Variants in PRLR observed in about 807,000 individuals in gnomAD.
The protein encoded by PRLR is hPRL receptor.
In PRLR, 13 loss-of-function variants were observed where a neutral mutation model predicts 40.2. The observed-to-expected ratio is 0.32, with a 90% CI of 0.21 to 0.51. PRLR has a LOEUF of 0.51. Ranked by LOEUF, PRLR falls within the 20% of genes least tolerant of loss-of-function variation. PRLR has a pLI of 0.97. For missense variants in PRLR, 656 were observed against 747.3 expected, an observed-to-expected ratio of 0.88 and a Z score of 1.42; for synonymous variants, 269 against 278.7, an observed-to-expected ratio of 0.97 and a Z score of 0.35.
downstream of PRLR, among the ~76,000 whole-genome samples, chr5:35,052,521 C>A (rs1768529777): frequency 6.6e-6 from 1 of 152,168 alleles, no homozygotes; most frequent in African/African-American, 2.4e-5. Context: ...CCTGTCTGGT[C>A]CCTCATTCTC....
chr5:35,175,844 T>C (rs1775132871), intron 1 of PRLR, among the ~76,000 whole-genome samples: 2 of 151,548 alleles, frequency 1.3e-5, no homozygotes, highest in African/African-American at 4.9e-5. Context: ...ATTGTTCAAC[T>C]ATCAATGATC....
At chr5:35,163,477 C>A (rs528562735) in intron 1 of PRLR, among the ~76,000 whole-genome samples, 1 of 152,234 alleles carries the variant, frequency 6.6e-6, no homozygotes, top group African/African-American at 2.4e-5. Flanking sequence ...GAGATAATGA[C>A]AAGTGAATTG....
chr5:35,065,725 G>A lies in PRLR; in HGVS notation c.1233C>T (p.Ser411=), dbSNP rs919081324. The A allele has an allele frequency of 6.2e-7, 1 of 1,614,076 alleles. No individual in the cohort carries two copies. The highest frequency in any genetic ancestry group is 8.5e-7 in the Non-Finnish European group (1 of 1,180,014). Residue 411 remains serine (S), a synonymous_variant, in exon 10 of 10, where the codon TCC becomes TCT. Transcript: ENST00000618457. ...GTGGTAAGGGCCATGTTGAACATTTGGATCCACCAGCATGAAAATAGGGGA... is the reference window on the plus strand; with the variant it reads ...GTGGTAAGGGCCATGTTGAACATTTAGATCCACCAGCATGAAAATAGGGGA... The part of the protein sequence containing the change: ...GKIPYFHAGG[S]KCSTWPLPQP...
chr5:35,107,880 C>A (rs944676644), intron 2 of PRLR, among the ~76,000 whole-genome samples: 19 of 152,170 alleles, frequency 1.2e-4, no homozygotes, highest in African/African-American at 4.3e-4. Flanking sequence ...TTCATGAGGC[C>A]AGCATCATCC....
At chr5:35,146,676 G>C (rs1412135500) in intron 1 of PRLR, among the ~76,000 whole-genome samples, 1 of 152,194 alleles carries the variant, frequency 6.6e-6, no homozygotes, top group South Asian at 2.1e-4. Context: ...TGCAGGAGAG[G>C]ATGGAGGTTT....
At chr5:35,227,278 G>A (rs1445270507) in intron 1 of PRLR, among the ~76,000 whole-genome samples, 1 of 152,212 alleles carries the variant, frequency 6.6e-6, no homozygotes, top group Non-Finnish European at 1.5e-5. Flanking sequence ...GTTGGCTGAT[G>A]CAAGTGCCTG....
intron 1 of PRLR, among the ~76,000 whole-genome samples, chr5:35,164,918 T>A (rs1774777358): frequency 6.6e-6 from 1 of 152,094 alleles, no homozygotes; most frequent in Non-Finnish European, 1.5e-5. Context: ...TGAAAGAGAG[T>A]AATCAAAGAT....
intron 1 of PRLR, among the ~76,000 whole-genome samples, chr5:35,186,104 C>A (rs1775422607): frequency 6.6e-6 from 1 of 152,048 alleles, no homozygotes; most frequent in African/African-American, 2.4e-5. Context: ...CATTGAGGTG[C>A]ACTGTCAGAG....
At chr5:35,177,937 G>A (rs552344552) in intron 1 of PRLR, among the ~76,000 whole-genome samples, 1 of 151,876 alleles carries the variant, frequency 6.6e-6, no homozygotes, top group East Asian at 1.9e-4. Flanking sequence ...TAGTGTATGA[G>A]GGTTCTAAAT....
At chr5:35,079,802 A>T (rs1201341069) in intron 5 of PRLR, among the ~76,000 whole-genome samples, 1 of 152,260 alleles carries the variant, frequency 6.6e-6, no homozygotes, top group Non-Finnish European at 1.5e-5. Flanking sequence ...ACAAGGCTAC[A>T]GTAACCAAAA....
chr5:35,166,922 C>T (rs1379933049), intron 1 of PRLR, among the ~76,000 whole-genome samples: 1 of 152,098 alleles, frequency 6.6e-6, no homozygotes, highest in Non-Finnish European at 1.5e-5. Flanking sequence ...AATACACACC[C>T]TTAAACATAT....
chr5:35,150,506 CATG>C (rs1774310631), intron 1 of PRLR, among the ~76,000 whole-genome samples: 1 of 152,154 alleles, frequency 6.6e-6, no homozygotes, highest in African/African-American at 2.4e-5. Flanking sequence ...ACTAATTATG[CATG>C]ATAACTCTAA....
In PRLR at chr5:35,074,504, CATATAT is replaced by C. The variant is rs3034214; in HGVS notation, c.374-1766_374-1761del. ...AACAGCTACATATTTTTTATGATTCCATATATATATATATATATATATGAAATATCC... is the reference window on the plus strand; with the variant it reads ...AACAGCTACATATTTTTTATGATTCCATATATATATATATATGAAATATCC... On this transcript the variant is annotated intron_variant, in intron 5 of 9. Coordinates refer to ENST00000618457, the MANE Select transcript of PRLR (RefSeq NM_000949.7). Among the ~76,000 whole-genome samples, 8 of 132,622 alleles carry C rather than the reference CATATAT, an allele frequency of 6.0e-5. 1 individual carries two copies. The highest frequency in any genetic ancestry group is 2.3e-4 in the African/African-American group (7 of 30,182). 87.0% of individuals were successfully genotyped at this position (132,622 alleles called of 152,430 possible).
chr5:35,160,718 G>C (rs1774650028), intron 1 of PRLR, among the ~76,000 whole-genome samples: 1 of 152,196 alleles, frequency 6.6e-6, no homozygotes, highest in Non-Finnish European at 1.5e-5. Flanking sequence ...ACTTGTACCA[G>C]ATGGCTTCAC....
intron 3 of PRLR, among the ~76,000 whole-genome samples, chr5:35,088,583 T>A (rs1771003784): frequency 6.6e-6 from 1 of 152,132 alleles, no homozygotes; most frequent in South Asian, 2.1e-4. Context: ...TTCAGGAAGC[T>A]CAAGAGAGGA....
At chr5:35,050,927 T>C (rs138152511), downstream of PRLR, among the ~76,000 whole-genome samples, 1 of 152,336 alleles carries the variant, frequency 6.6e-6, no homozygotes, top group East Asian at 1.9e-4. Context: ...AAGAATGCTG[T>C]GTGCAGAGTG....
chr5:35,109,047 C>G (rs1772468744), intron 2 of PRLR, among the ~76,000 whole-genome samples: 1 of 152,136 alleles, frequency 6.6e-6, no homozygotes, highest in Non-Finnish European at 1.5e-5. Flanking sequence ...GAACAGAGCC[C>G]TCATAAATAA....
intron 5 of PRLR, 21 bp downstream of exon 5, chr5:35,084,449 A>C (rs1441377694): frequency 2.0e-6 from 3 of 1,535,036 alleles, no homozygotes; most frequent in Non-Finnish European, 2.6e-6. Context: ...GAAATTCCTC[A>C]CCCACTTTCC....
chr5:35,177,197 C>G (rs1775173415), intron 1 of PRLR, among the ~76,000 whole-genome samples: 1 of 152,136 alleles, frequency 6.6e-6, no homozygotes, highest in African/African-American at 2.4e-5. Flanking sequence ...TAAGGGAACT[C>G]AGAGGCTGGC....
Sources: allele counts gnomAD v4.1 joint callset (sites outside exome capture counted in the v4.1 genomes callset), GRCh38; gene constraint gnomAD v4.1.1; transcripts MANE v1.5; gene names NCBI Gene and HGNC (gene_info 2026-07-23, HGNC 2026-07-21).